Variants in PLCZ1 observed in about 807,000 individuals in gnomAD.
The protein encoded by PLCZ1 is phospholipase C zeta 1, also known as 1-phosphatidylinositol 4,5-bisphosphate phosphodiesterase zeta-1.
A neutral mutation model predicts 76.8 loss-of-function variants in PLCZ1; 64 were observed. The observed-to-expected ratio is 0.83, with a 90% CI of 0.68 to 1.03. The LOEUF is 1.03. PLCZ1 is among the 50% of genes least tolerant of loss of function. The pLI is 0.00. For missense variants in PLCZ1, 751 were observed against 713.7 expected (o/e 1.05, Z -0.60); for synonymous variants, 248 against 230.8 (o/e 1.07, Z -0.68).
chr12:18,699,772 T>A (rs1338071928), intron 10 of PLCZ1, 22 bp downstream of exon 10: 1 of 1,602,956 alleles, frequency 6.2e-7, no homozygotes. Context: ...ACATTTCATC[T>A]ATTTGAGTCA....
chr12:18,673,052 T>C, the PLCZ1 span, among the ~76,000 whole-genome samples: 1 of 152,090 alleles, frequency 6.6e-6, no homozygotes, highest in Non-Finnish European at 1.5e-5. Flanking sequence ...AAGTGGTACA[T>C]AGAAGAGAAT....
intron 12 of PLCZ1, among the ~76,000 whole-genome samples, 190 bp downstream of exon 12, chr12:18,694,720 G>A (rs1399958882): frequency 2.6e-5 from 4 of 152,106 alleles, no homozygotes; most frequent in Non-Finnish European, 5.9e-5. Flanking sequence ...AATCATTCAT[G>A]TAAAATTACA....
At chr12:18,705,461 T>A in intron 6 of PLCZ1, 146 bp from the exon 7 acceptor site, 1 of 996,158 alleles carries the variant, frequency 1.0e-6, no homozygotes, top group South Asian at 1.6e-5. Context: ...TGAAAGTACT[T>A]TTGAGTTTGG....
At chr12:18,685,133 C>G (rs1053618930) in intron 13 of PLCZ1, among the ~76,000 whole-genome samples, 2 of 151,984 alleles carry the variant, frequency 1.3e-5, no homozygotes, top group African/African-American at 4.8e-5. Context: ...GGAAGAGTTC[C>G]ATACTTAGTT....
At chr12:18,708,822 T>C (rs906518801) in intron 6 of PLCZ1, among the ~76,000 whole-genome samples, 1 of 152,156 alleles carries the variant, frequency 6.6e-6, no homozygotes, top group East Asian at 1.9e-4. Context: ...TTTGGAGAAA[T>C]GCCTATTCAG....
At chr12:18,704,014 T>C (rs966207659) in intron 7 of PLCZ1, among the ~76,000 whole-genome samples, 3 of 152,092 alleles carry the variant, frequency 2.0e-5, no homozygotes, top group African/African-American at 7.2e-5. Context: ...TCTGATAAAA[T>C]TTGGGATAGG....
chr12:18,672,838 C>T, the PLCZ1 span, among the ~76,000 whole-genome samples: 2 of 152,074 alleles, frequency 1.3e-5, no homozygotes, highest in African/African-American at 4.8e-5. Context: ...CGATGTAGTC[C>T]ATTCAGGGCT....
intron 6 of PLCZ1, among the ~76,000 whole-genome samples, chr12:18,708,931 T>C (rs1256218545): frequency 1.3e-5 from 2 of 152,118 alleles, no homozygotes; most frequent in Non-Finnish European, 2.9e-5. Context: ...ATACATGGTT[T>C]GCAAATATTT....
the PLCZ1 span, among the ~76,000 whole-genome samples, chr12:18,660,556 T>C: frequency 1.3e-5 from 2 of 152,020 alleles, no homozygotes; most frequent in Non-Finnish European, 2.9e-5. Context: ...AATTAGAAAG[T>C]AACTGTGCAT....
chr12:18,670,594 C>T, the PLCZ1 span, among the ~76,000 whole-genome samples: 4 of 152,240 alleles, frequency 2.6e-5, no homozygotes, highest in Admixed American at 6.5e-5. Flanking sequence ...GGGTTAACTT[C>T]GTTTCTGCAT....
chr12:18,701,991 T>C (rs1002408462), intron 7 of PLCZ1, among the ~76,000 whole-genome samples: 1 of 152,154 alleles, frequency 6.6e-6, no homozygotes, highest in Non-Finnish European at 1.5e-5. Context: ...AATAAGCCTG[T>C]TATGATTGAG....
At chr12:18,652,052 C>T in the PLCZ1 span, among the ~76,000 whole-genome samples, 2 of 152,152 alleles carry the variant, frequency 1.3e-5, no homozygotes, top group East Asian at 3.9e-4. Flanking sequence ...TTACGTATAA[C>T]TTTTAAAGTT....
the PLCZ1 span, among the ~76,000 whole-genome samples, chr12:18,670,168 G>T: frequency 0.027 from 4,156 of 152,204 alleles, 198 homozygotes; most frequent in African/African-American, 0.095. Context: ...TTAGATAGAA[G>T]AAGTATGCTG....
At chr12:18,670,870 A>G in the PLCZ1 span, among the ~76,000 whole-genome samples, 1 of 152,142 alleles carries the variant, frequency 6.6e-6, no homozygotes, top group African/African-American at 2.4e-5. Context: ...TTTCAATTGG[A>G]AAAATTATTT....
At chr12:18,687,443 T>G in intron 13 of PLCZ1, among the ~76,000 whole-genome samples, 1 of 152,140 alleles carries the variant, frequency 6.6e-6, no homozygotes, top group African/African-American at 2.4e-5. Flanking sequence ...CAGGGATCAA[T>G]CCCAGGAACC....
At chr12:18,666,025 A>C in the PLCZ1 span, among the ~76,000 whole-genome samples, 2 of 151,918 alleles carry the variant, frequency 1.3e-5, no homozygotes, top group South Asian at 2.1e-4. Flanking sequence ...ATTAAATGTT[A>C]ATTTAAACTA....
intron 1 of PLCZ1, 27 bp from the exon 2 acceptor site, chr12:18,737,536 T>C (rs930832742): frequency 3.5e-6 from 3 of 851,464 alleles, no homozygotes; most frequent in Non-Finnish European, 5.3e-6. Flanking sequence ...GAACACACAG[T>C]GGTTTTTTTT....
At chr12:18,708,293 C>A (rs1330791553) in intron 6 of PLCZ1, among the ~76,000 whole-genome samples, 1 of 152,094 alleles carries the variant, frequency 6.6e-6, no homozygotes, top group Admixed American at 6.6e-5. Context: ...CTGTGTCTGG[C>A]TTATTTCACT....
intron 14 of PLCZ1, chr12:18,683,690 T>C: frequency 3.4e-6 from 4 of 1,188,912 alleles, no homozygotes; most frequent in Non-Finnish European, 4.5e-6. Context: ...TAAATCACCC[T>C]GGAAAGGTGA....
Sources: allele counts gnomAD v4.1 joint callset (sites outside exome capture counted in the v4.1 genomes callset), GRCh38; gene constraint gnomAD v4.1.1; transcripts MANE v1.5; gene names NCBI Gene and HGNC (gene_info 2026-07-23, HGNC 2026-07-21).